The following STIP1 variants were observed in gnomAD, a reference collection of about 807,000 sequenced individuals.
STIP1 encodes the protein stress-induced-phosphoprotein 1.
A neutral mutation model predicts 77.4 loss-of-function variants in STIP1; 16 were observed. The observed-to-expected ratio is 0.21, with a 90% CI of 0.14 to 0.31. The LOEUF is 0.31. Ranked by LOEUF, STIP1 falls within the 10% of genes least tolerant of loss-of-function variation. The pLI, the probability that STIP1 is intolerant of heterozygous loss-of-function variation, is 1.00. For synonymous variants in STIP1, 258 were observed against 246.6 expected (o/e 1.05, Z -0.44); for missense variants, 524 against 684.8 (o/e 0.77, Z 2.62).
chr11:64,194,435 A>G (rs1033484649), intron 3 of STIP1, 44 bp from the exon 4 acceptor site: 6 of 1,612,764 alleles, frequency 3.7e-6, no homozygotes, highest in Non-Finnish European at 4.2e-6. Flanking sequence ...CAGTAATTCT[A>G]GTGAACTCAT....
upstream of STIP1, chr11:64,185,969 A>T (rs1415435157): frequency 6.5e-7 from 1 of 1,539,054 alleles, no homozygotes; most frequent in Non-Finnish European, 8.7e-7. Context: ...GTGGAGCCTG[A>T]GATGGGTGGG....
chr11:64,190,847 A>T (rs1364164586), intron 1 of STIP1, among the ~76,000 whole-genome samples: 1 of 152,060 alleles, frequency 6.6e-6, no homozygotes, highest in African/African-American at 2.4e-5. Context: ...AAAGAAAAAA[A>T]CATTTAGCCA....
intron 1 of STIP1, among the ~76,000 whole-genome samples, chr11:64,190,695 C>T (rs545581536): frequency 1.5e-4 from 23 of 152,210 alleles, no homozygotes; most frequent in Admixed American, 7.9e-4. Flanking sequence ...ACAACTCTAT[C>T]TCACAGAACG....
rs777271478 is a variant in STIP1, at chr11:64,194,278, A to G, written c.309A>G (p.Ala103=). 1.9e-6 allele frequency: 3 copies of G among 1,614,084 alleles called. No homozygotes were observed. The Admixed American group carries it at 5.0e-5, about 27-fold the overall frequency. Residue 103 remains alanine, a synonymous_variant, in exon 3 of 14, where the codon GCA becomes GCG. Coordinates refer to ENST00000305218, the MANE Select transcript of STIP1 (RefSeq NM_006819.3). ...RTYEEGLKHE[A]NNPQLKEGLQ... The stretch of plus-strand genomic sequence containing the variant: ...ATGAGGAGGGCTTAAAACACGAGGC[A>G]AATAACCCTCAACTGAAAGAGGGTT...
At chr11:64,186,425 C>A in intron 1 of STIP1, 155 bp downstream of exon 1, 2 of 834,918 alleles carry the variant, frequency 2.4e-6, no homozygotes, top group Non-Finnish European at 3.1e-6. Context: ...GGGCCGCGGG[C>A]GGCGGGCGGG....
intron 13 of STIP1, 172 bp downstream of exon 13, chr11:64,203,794 C>G (rs888489339): frequency 5.2e-6 from 4 of 764,194 alleles, no homozygotes; most frequent in African/African-American, 1.8e-5. Flanking sequence ...CTTTGTTAGT[C>G]GTGATAGCTT....
At chr11:64,196,544 G>T (rs1387855776) in intron 5 of STIP1, among the ~76,000 whole-genome samples, 1 of 152,084 alleles carries the variant, frequency 6.6e-6, no homozygotes, top group Non-Finnish European at 1.5e-5. Flanking sequence ...CTGGAAAGTT[G>T]AGAGTAATTC....
intron 1 of STIP1, among the ~76,000 whole-genome samples, chr11:64,186,879 GACCGACTCT>G (rs1423346565): frequency 6.6e-6 from 1 of 152,214 alleles, no homozygotes; most frequent in African/African-American, 2.4e-5. Flanking sequence ...AGGAGCGACA[GACCGACTCT>G]ACCTGATGCG....
rs761418341 is a variant in STIP1 at position 64,204,534 on chromosome 11, C to T, written c.*408C>T. The stretch of plus-strand genomic sequence containing the variant: ...TCTCCAATAAAACAAGCCAGTTGGG[C>T]GTGGTTATATGTTGCTTTGGCCTTG... On this transcript the variant is annotated 3_prime_UTR_variant, in exon 14 of 14. Coordinates refer to ENST00000305218, the MANE Select transcript of STIP1 (RefSeq NM_006819.3). 21 of 199,254 alleles carry T rather than the reference C, an allele frequency of 1.1e-4. No individual in the cohort carries two copies. Among genetic ancestry groups the T allele is most frequent in the Non-Finnish European group, 2.0e-4 (20 of 98,876 alleles). 12.3% of individuals were successfully genotyped at this position (199,254 alleles called of 1,614,324 possible). A position where few individuals can be genotyped will look rare whatever the true frequency, so the allele number is the denominator to read the frequency against.
At chr11:64,198,705 A>G (rs1037735126) in intron 8 of STIP1, among the ~76,000 whole-genome samples, 29 of 140,534 alleles carry the variant, frequency 2.1e-4, no homozygotes, top group African/African-American at 7.2e-4. Flanking sequence ...TTTCTCTGTC[A>G]TTTAACAGTG....
chr11:64,197,205 A>G (rs1272946879), intron 5 of STIP1, 66 bp from the exon 6 acceptor site: 1 of 1,600,442 alleles, frequency 6.2e-7, no homozygotes, highest in African/African-American at 1.4e-5. Flanking sequence ...CTTGTGACAG[A>G]TCATAGATTC....
intron 1 of STIP1, among the ~76,000 whole-genome samples, chr11:64,191,145 C>T (rs946883495): frequency 1.4e-5 from 2 of 147,226 alleles, no homozygotes; most frequent in African/African-American, 5.0e-5. Flanking sequence ...CAAGATTGTG[C>T]TATTGCACTC....
At chr11:64,196,936 C>T (rs565475274) in intron 5 of STIP1, 35 of 248,946 alleles carry the variant, frequency 1.4e-4, no homozygotes, top group Non-Finnish European at 2.4e-4. Context: ...CTGCTGCAGC[C>T]TCAGAATAAA....
At chr11:64,185,837 A>C (rs1375610938), upstream of STIP1, 4 of 1,536,158 alleles carry the variant, frequency 2.6e-6, no homozygotes, top group Non-Finnish European at 3.5e-6. Flanking sequence ...GGAGTCCGGC[A>C]GCCCAATGGG....
In STIP1 at chr11:64,195,726, G is replaced by T; in HGVS notation, c.585G>T (p.Glu195Asp). The T allele has an allele frequency of 6.2e-7, 1 of 1,614,100 alleles. No homozygotes were observed. Among genetic ancestry groups the T allele is most frequent in the South Asian group, 1.1e-5 (1 of 91,078 alleles). ...TGGGCAGTATGGATGAGGAGGAAGA[G>T]ATTGCAACACCTCCACCACCACCCC... ...VDLGSMDEEE[E>D]IATPPPPPPP... The change falls in exon 5 of 14, where the codon GAG becomes GAT. Residue 195 changes from glutamate (E) to aspartate (D), a missense_variant. Physicochemically the swap from Glu to Asp is conservative, Grantham distance 45. Coordinates refer to ENST00000305218, the MANE Select transcript of STIP1 (RefSeq NM_006819.3).
Position 64,194,257 on chromosome 11 carries a change from G to A in STIP1, c.288G>A (p.Glu96=). The A allele has an allele frequency of 6.2e-7, 1 of 1,614,220 alleles. No individual in the cohort carries two copies. The highest frequency in any genetic ancestry group is 8.5e-7 in the Non-Finnish European group (1 of 1,180,052). Residue 96 remains glutamate, a synonymous_variant, in exon 3 of 14, where the codon GAG becomes GAA. Transcript: ENST00000305218. The part of the protein sequence containing the change: ...NRFEEAKRTY[E]EGLKHEANNP... ...TTGAAGAAGCCAAGCGAACCTATGA[G>A]GAGGGCTTAAAACACGAGGCAAATA... is the stretch of plus-strand genomic sequence containing the variant.
chr11:64,186,006 G>T (rs1946009344), upstream of STIP1: 12 of 1,543,424 alleles, frequency 7.8e-6, no homozygotes, highest in Non-Finnish European at 1.0e-5. Flanking sequence ...CAATCCTGAG[G>T]TGCGGGGGAG....
chr11:64,203,078 G>A, intron 11 of STIP1, 47 bp from the exon 12 acceptor site: 1 of 1,610,350 alleles, frequency 6.2e-7, no homozygotes. Flanking sequence ...GCAAGGAGCA[G>A]CCTTGGGCGC....
At chr11:64,203,000 T>C in intron 11 of STIP1, 88 bp downstream of exon 11, 4 of 1,604,610 alleles carry the variant, frequency 2.5e-6, no homozygotes, top group Non-Finnish European at 3.4e-6. Flanking sequence ...TGTGTGTCCT[T>C]GGGACCTGTA....
Sources: gnomAD v4.1 joint callset for allele counts (sites outside exome capture counted in the v4.1 genomes callset) on GRCh38, gnomAD v4.1.1 for gene constraint, MANE v1.5 for transcripts, NCBI Gene and HGNC (gene_info 2026-07-23, HGNC 2026-07-21) for gene names.